IPCEF1: variants seen among roughly 807,000 people sequenced by gnomAD.
The protein encoded by IPCEF1 is interaction protein for cytohesin exchange factors 1, also known as interactor protein for cytohesin exchange factors 1.
In IPCEF1, 31 loss-of-function variants were observed where a neutral mutation model predicts 50.9. The observed-to-expected ratio is 0.61, with a 90% CI of 0.46 to 0.82. IPCEF1 has a LOEUF of 0.82. IPCEF1 is among the 40% of genes least tolerant of loss of function. The probability of loss-of-function intolerance (pLI) is 0.00; values close to 1 mark genes in which losing one functional copy is unlikely to be tolerated. For synonymous variants in IPCEF1, 181 were observed against 192.0 expected (o/e 0.94, Z 0.47); for missense variants, 458 against 514.0 (o/e 0.89, Z 1.05).
At chr6:154,229,304 T>G (rs1409791354) in intron 5 of IPCEF1, among the ~76,000 whole-genome samples, 2 of 151,882 alleles carry the variant, frequency 1.3e-5, no homozygotes, top group Non-Finnish European at 2.9e-5. Context: ...GACAATAAAG[T>G]GTTAAAATGA....
chr6:154,295,533 T>C (rs1782626458), intron 1 of IPCEF1, among the ~76,000 whole-genome samples: 2 of 152,002 alleles, frequency 1.3e-5, no homozygotes, highest in South Asian at 4.2e-4. Context: ...GCACACACTT[T>C]GCTGTGAGCA....
intron 3 of IPCEF1, among the ~76,000 whole-genome samples, chr6:154,254,993 T>A (rs1781427486): frequency 6.6e-6 from 1 of 152,216 alleles, no homozygotes; most frequent in South Asian, 2.1e-4. Flanking sequence ...CTTAGCATAT[T>A]GTAACTCCTG....
chr6:154,176,017 C>T lies in IPCEF1; in HGVS notation c.911-7904G>A, dbSNP rs761796948. ...TCCCTGGGATGCAAGACTGCTTCAA[C>T]GTACCCAAATCAATAGACATAATCT... On this transcript the variant is annotated intron_variant, in intron 10 of 11. Coordinates refer to ENST00000367220, the MANE Select transcript of IPCEF1 (RefSeq NM_001130700.2). Among the ~76,000 whole-genome samples, 4 of 152,176 alleles carry T rather than the reference C, an allele frequency of 2.6e-5. No individual in the cohort carries two copies. The East Asian group carries it at 5.8e-4, about 22-fold the overall frequency.
chr6:154,233,908 G>A (rs1779914574), intron 5 of IPCEF1, among the ~76,000 whole-genome samples: 1 of 152,184 alleles, frequency 6.6e-6, no homozygotes, highest in African/African-American at 2.4e-5. Context: ...GGGTCTTGGG[G>A]TAGAAATGCC....
intron 1 of IPCEF1, among the ~76,000 whole-genome samples, chr6:154,319,235 T>A (rs924979922): frequency 1.3e-5 from 2 of 152,206 alleles, no homozygotes; most frequent in Non-Finnish European, 2.9e-5. Context: ...GTTTTACTTA[T>A]CTGGACTCAT....
chr6:154,289,924 C>T (rs1405166222), intron 1 of IPCEF1, among the ~76,000 whole-genome samples, 168 bp from the exon 2 acceptor site: 1 of 152,136 alleles, frequency 6.6e-6, no homozygotes, highest in African/African-American at 2.4e-5. Context: ...TTAGGGTAGA[C>T]AGCTAGGCAA....
chr6:154,212,307 C>G (rs1380400096), intron 9 of IPCEF1, among the ~76,000 whole-genome samples: 1 of 152,220 alleles, frequency 6.6e-6, no homozygotes, highest in Non-Finnish European at 1.5e-5. Flanking sequence ...TCCATGTGCA[C>G]TTTTAATGCA....
chr6:154,304,448 A>G (rs986653405), intron 1 of IPCEF1, among the ~76,000 whole-genome samples: 1 of 152,096 alleles, frequency 6.6e-6, no homozygotes, highest in Admixed American at 6.5e-5. Flanking sequence ...AGCATGAATT[A>G]TTACAGGAAG....
At chr6:154,354,415 A>ACCTCCACCACCACCCCCACCATCT (rs1784170336) in intron 1 of IPCEF1, among the ~76,000 whole-genome samples, 1 of 46,704 alleles carries the variant, frequency 2.1e-5, no homozygotes, top group Non-Finnish European at 4.0e-5. Flanking sequence ...CTCCACCACC[A>ACCTCCACCACCACCCCCACCATCT]CCTCCACCAC....
intron 9 of IPCEF1, among the ~76,000 whole-genome samples, chr6:154,201,944 C>G (rs769980325): frequency 2.6e-5 from 4 of 152,078 alleles, no homozygotes; most frequent in African/African-American, 9.7e-5. Flanking sequence ...GGAAGGTTGA[C>G]AGAGAGAGGA....
At chr6:154,250,484 A>G (rs1307583019) in intron 3 of IPCEF1, among the ~76,000 whole-genome samples, 1 of 152,178 alleles carries the variant, frequency 6.6e-6, no homozygotes, top group African/African-American at 2.4e-5. Flanking sequence ...GAAAATATGT[A>G]TTTCTTTTTC....
intron 5 of IPCEF1, among the ~76,000 whole-genome samples, 161 bp downstream of exon 5, chr6:154,246,430 A>C (rs1411988619): frequency 6.6e-6 from 1 of 152,208 alleles, no homozygotes; most frequent in Non-Finnish European, 1.5e-5. Context: ...AGCATAACCT[A>C]CATATCTACT....
intron 10 of IPCEF1, among the ~76,000 whole-genome samples, chr6:154,180,291 T>C (rs952108922): frequency 6.6e-6 from 1 of 151,558 alleles, no homozygotes. Flanking sequence ...GTCAGACTCC[T>C]AAACTTTCTT....
intron 6 of IPCEF1, 160 bp downstream of exon 6, chr6:154,223,010 T>C: frequency 1.6e-6 from 1 of 633,098 alleles, no homozygotes. Context: ...AGAGGTTAAA[T>C]GCTTCTATTT....
intron 1 of IPCEF1, among the ~76,000 whole-genome samples, chr6:154,346,436 T>C (rs1784030656): frequency 6.6e-6 from 1 of 152,246 alleles, no homozygotes; most frequent in East Asian, 1.9e-4. Flanking sequence ...TCTTCCCTCC[T>C]TTTTTCTAAA....
chr6:154,287,155 C>G (rs917392668), intron 2 of IPCEF1, among the ~76,000 whole-genome samples: 1 of 90,650 alleles, frequency 1.1e-5, no homozygotes, highest in Non-Finnish European at 2.3e-5. Flanking sequence ...CTTTGCCCTT[C>G]TCTCCCTCTC....
chr6:154,181,244 A>G (rs1285300286), intron 10 of IPCEF1, among the ~76,000 whole-genome samples: 1 of 152,230 alleles, frequency 6.6e-6, no homozygotes, highest in Non-Finnish European at 1.5e-5. Flanking sequence ...CAACATTGGC[A>G]TAGTATAATT....
At chr6:154,244,748 A>C (rs925895787) in intron 5 of IPCEF1, among the ~76,000 whole-genome samples, 1 of 152,210 alleles carries the variant, frequency 6.6e-6, no homozygotes. Context: ...CTTCCTTTAA[A>C]TTCTATGAAG....
At chr6:154,228,222 T>C (rs973273080) in intron 5 of IPCEF1, among the ~76,000 whole-genome samples, 2 of 151,912 alleles carry the variant, frequency 1.3e-5, no homozygotes, top group Non-Finnish European at 2.9e-5. Context: ...TCCCAGCGCT[T>C]TGGGAGGCCG....
Sources: gnomAD v4.1 joint callset for allele counts (sites outside exome capture counted in the v4.1 genomes callset) on GRCh38, gnomAD v4.1.1 for gene constraint, MANE v1.5 for transcripts, NCBI Gene and HGNC (gene_info 2026-07-23, HGNC 2026-07-21) for gene names.